The following PAQR4 variants were observed in gnomAD, a reference collection of about 807,000 sequenced individuals.
The protein encoded by PAQR4 is progestin and adipoQ receptor family member IV.
A neutral mutation model predicts 20.9 loss-of-function variants in PAQR4; 26 were observed. That is an observed-to-expected ratio of 1.24 (90% CI 0.91 to 1.73). The LOEUF is 1.73. Among genes scored for constraint, PAQR4 ranks in the 40% most tolerant of loss-of-function variants. PAQR4 has a pLI of 0.00. For synonymous variants in PAQR4, 193 were observed against 171.6 expected (o/e 1.12, Z -0.97); for missense variants, 400 against 380.1 (o/e 1.05, Z -0.44).
Position 2,973,306 on chromosome 16 carries a change from C to A in PAQR4, c.*1358C>A. On this transcript the variant is annotated 3_prime_UTR_variant, in exon 3 of 3. Coordinates refer to ENST00000318782, the MANE Select transcript of PAQR4 (RefSeq NM_152341.5). ...TGTCCCTGTGCAGGCTCCAGGCTCC[C>A]GCCTGACAAACAGGCAGGGAGCCAC... 6.6e-7 allele frequency: 1 copy of A among 1,514,916 alleles called. No individual in the cohort carries two copies. Among genetic ancestry groups the A allele is most frequent in the South Asian group, 1.3e-5 (1 of 78,212 alleles). The allele number at this position is 1,514,916 out of a possible 1,614,324, so 93.8% of individuals were successfully genotyped here. A position where few individuals can be genotyped will look rare whatever the true frequency, so the allele number is the denominator to read the frequency against.
In PAQR4 at chr16:2,972,084, G is replaced by A. The variant is rs1336232975; in HGVS notation, c.*136G>A. 2.1e-5 allele frequency: 19 copies of A among 908,736 alleles called. No homozygotes were observed. The highest frequency in any genetic ancestry group is 1.1e-4 in the South Asian group (6 of 55,438). 56.3% of individuals were successfully genotyped at this position (908,736 alleles called of 1,614,324 possible). ...GTCTCAGCAGGAGCCCTGTTCACCCGTTCTTCCCTGTGGACTGACCTCTTC... is the reference window on the plus strand; with the variant it reads ...GTCTCAGCAGGAGCCCTGTTCACCCATTCTTCCCTGTGGACTGACCTCTTC... On this transcript the variant is annotated 3_prime_UTR_variant, in exon 3 of 3. Transcript: ENST00000318782.
rs750204107 is a variant in PAQR4, at chr16:2,973,458, T to C, written c.*1510T>C. The C allele has an allele frequency of 4.6e-6, 7 of 1,516,016 alleles. No homozygotes were observed. The highest frequency in any genetic ancestry group is 6.2e-6 in the Non-Finnish European group (7 of 1,135,404). 93.9% of individuals were successfully genotyped at this position (1,516,016 alleles called of 1,614,324 possible). On this transcript the variant is annotated 3_prime_UTR_variant, in exon 3 of 3. Transcript: ENST00000318782. ...CAGAACACATGGACTTGGAGGCAGA[T>C]TTGAAATAAACTTTTAGTAAATGTA...
In PAQR4 at chr16:2,971,758, C is replaced by G; in HGVS notation, c.632C>G (p.Ala211Gly). The G allele has an allele frequency of 6.2e-7, 1 of 1,612,986 alleles. No homozygotes were observed. Among genetic ancestry groups the G allele is most frequent in the East Asian group, 2.2e-5 (1 of 44,884 alleles). ...GSLPCYLRMD[A>G]LALLGGLVNV... Reference sequence around the variant, plus strand: ...CTGCCCTGCTACCTGCGCATGGACGCACTGGCGCTGCTTGGGGGACTGGTA... The same window carrying G: ...CTGCCCTGCTACCTGCGCATGGACGGACTGGCGCTGCTTGGGGGACTGGTA... The change falls in exon 3 of 3, where the codon GCA becomes GGA. Residue 211 changes from alanine (A) to glycine (G), a missense_variant. By Grantham distance (60) the Ala-to-Gly change is moderately conservative (BLOSUM62 0). Coordinates refer to ENST00000318782, the MANE Select transcript of PAQR4 (RefSeq NM_152341.5).
At position 2,972,238 on chromosome 16, in the gene PAQR4, C is replaced by T. The variant is rs1362687667; in HGVS notation, c.*290C>T. The T allele has an allele frequency of 3.8e-6, 2 of 528,478 alleles. No individual in the cohort carries two copies. Among genetic ancestry groups the T allele is most frequent in the South Asian group, 2.9e-5 (1 of 34,046 alleles). 32.7% of individuals were successfully genotyped at this position (528,478 alleles called of 1,614,324 possible). ...ACCCTCTGTGACCTGTGGGGTTAGA[C>T]CAGAGAGGGACTCTGGGGTCACGTC... On this transcript the variant is annotated 3_prime_UTR_variant, in exon 3 of 3. Coordinates refer to ENST00000318782, the MANE Select transcript of PAQR4 (RefSeq NM_152341.5).
intron 1 of PAQR4, 67 bp downstream of exon 1, chr16:2,969,907 C>G: frequency 6.3e-7 from 1 of 1,587,570 alleles, no homozygotes. Flanking sequence ...GCCGGGGGCA[C>G]TGAGGCCGAG....
Position 2,972,505 on chromosome 16 carries a change from G to A in PAQR4, c.*557G>A. Reference sequence around the variant, plus strand: ...CCCGTCTTGTACCAGCTGGCCACAGGCACAAGGGCTGCAGCTGCTTCTTCC... The same window carrying A: ...CCCGTCTTGTACCAGCTGGCCACAGACACAAGGGCTGCAGCTGCTTCTTCC... On this transcript the variant is annotated 3_prime_UTR_variant, in exon 3 of 3. Transcript: ENST00000318782. The A allele has an allele frequency of 1.9e-6, 2 of 1,059,174 alleles. No individual in the cohort carries two copies. The highest frequency in any genetic ancestry group is 2.7e-6 in the Non-Finnish European group (2 of 747,468). The allele number at this position is 1,059,174 out of a possible 1,614,324, so 65.6% of individuals were successfully genotyped here.
rs377645191 is a variant in PAQR4, at chr16:2,969,651, C to T, written c.-24C>T. On this transcript the variant is annotated 5_prime_UTR_variant, in exon 1 of 3. In the 5' UTR this introduces an upstream ATG that the reference lacks. Transcript: ENST00000318782. ...AGGAGGCTCGGGGACAGCAGGAGCA[C>T]GGGCTGCCCGCGCGGTGCGGACCAT... 5,598 of 1,497,920 alleles carry T rather than the reference C, an allele frequency of 3.7e-3. 18 individuals are homozygous for T. The highest frequency in any genetic ancestry group is 4.7e-3 in the Non-Finnish European group (5,288 of 1,126,030). The allele number at this position is 1,497,920 out of a possible 1,614,324, so 92.8% of individuals were successfully genotyped here. A position where few individuals can be genotyped will look rare whatever the true frequency, so the allele number is the denominator to read the frequency against.
rs1014604801 is a variant in PAQR4, at chr16:2,969,485, C to G, written c.-190C>G. The G allele has an allele frequency of 2.4e-6, 1 of 417,792 alleles. No homozygotes were observed. Among genetic ancestry groups the G allele is most frequent in the Non-Finnish European group, 3.7e-6 (1 of 268,206 alleles). 25.9% of individuals were successfully genotyped at this position (417,792 alleles called of 1,614,324 possible). On this transcript the variant is annotated 5_prime_UTR_variant, in exon 1 of 3. Coordinates refer to ENST00000318782, the MANE Select transcript of PAQR4 (RefSeq NM_152341.5). Reference sequence around the variant, plus strand: ...CGCCCCGGCGCGGGGGCGACGGACTCGCGCGTGCGCAGCGCCGGAGGGGCG... The same window carrying G: ...CGCCCCGGCGCGGGGGCGACGGACTGGCGCGTGCGCAGCGCCGGAGGGGCG...
intron 1 of PAQR4, 119 bp from the exon 2 acceptor site, chr16:2,971,038 G>C (rs191770526): frequency 5.8e-6 from 6 of 1,035,708 alleles, no homozygotes; most frequent in South Asian, 1.5e-5. Context: ...AGGCCAGGCC[G>C]CCAACTGGAT....
At position 2,971,944 on chromosome 16, in the gene PAQR4, ACTGAGCTGCCATGCCAGC is replaced by A; in HGVS notation, c.822_*17del. On this transcript the variant is annotated stop_lost and 3_prime_UTR_variant, in exon 3 of 3. Transcript: ENST00000318782. ...GCTGCCCACCACGCCTGTCCCCGGG[ACTGAGCTGCCATGCCAGC>A]CTGCCCACAGCAGCCTCCTAGAGTT... is the stretch of plus-strand genomic sequence containing the variant. 1 of 1,581,990 alleles carries A rather than the reference ACTGAGCTGCCATGCCAGC, an allele frequency of 6.3e-7. No individual in the cohort carries two copies. Among genetic ancestry groups the A allele is most frequent in the Non-Finnish European group, 8.6e-7 (1 of 1,168,214 alleles).
Position 2,972,592 on chromosome 16 carries a change from C to A in PAQR4, c.*644C>A. The A allele has an allele frequency of 6.5e-7, 1 of 1,528,502 alleles. No individual in the cohort carries two copies. The highest frequency in any genetic ancestry group is 2.5e-5 in the East Asian group (1 of 40,720). The allele number at this position is 1,528,502 out of a possible 1,614,324, so 94.7% of individuals were successfully genotyped here. A position where few individuals can be genotyped will look rare whatever the true frequency, so the allele number is the denominator to read the frequency against. ...CTGGGACCCCTGGGCCGTGCCTGCC[C>A]TCCACCTTGAGTGCCATACTCCCAA... On this transcript the variant is annotated 3_prime_UTR_variant, in exon 3 of 3. Transcript: ENST00000318782.
intron 1 of PAQR4, 124 bp downstream of exon 1, chr16:2,969,964 C>G: frequency 7.9e-7 from 1 of 1,265,806 alleles, no homozygotes; most frequent in South Asian, 1.5e-5. Context: ...CCTGGCACCG[C>G]CAGTAGCCGC....
At position 2,971,654 on chromosome 16, in the gene PAQR4, A is replaced by C. The variant is rs774764614; in HGVS notation, c.528A>C (p.Ala176=). 1 of 1,610,330 alleles carries C rather than the reference A, an allele frequency of 6.2e-7. No homozygotes were observed. Among genetic ancestry groups the C allele is most frequent in the Non-Finnish European group, 8.5e-7 (1 of 1,179,862 alleles). Residue 176 remains alanine (A), a synonymous_variant, in exon 3 of 3, where the codon GCA becomes GCC. Coordinates refer to ENST00000318782, the MANE Select transcript of PAQR4 (RefSeq NM_152341.5). ...CCTCCACCAGTGCTCGGCTCCGGGC[A>C]TTTGGATGGCAGGCTGCTGCCCGCC... is the stretch of plus-strand genomic sequence containing the variant. ...TAPSTSARLR[A]FGWQAAARLL...
rs1306825113 is a variant in PAQR4 at position 2,969,361 on chromosome 16, G to GCCA, written c.-311_-309dup. ...CCTCCTGGCTGCAGAGAGACTACCG[G>GCCA]CCACCGCCGCCGCCGCCGCCGCGAG... is the stretch of plus-strand genomic sequence containing the variant. On this transcript the variant is annotated 5_prime_UTR_variant, in exon 1 of 3. Transcript: ENST00000318782. The GCCA allele has an allele frequency of 2.5e-5, 4 of 161,686 alleles. No homozygotes were observed. In the East Asian group the frequency reaches 7.1e-4, roughly 29 times the overall value. The allele number at this position is 161,686 out of a possible 1,614,324, so 10.0% of individuals were successfully genotyped here. A position where few individuals can be genotyped will look rare whatever the true frequency, so the allele number is the denominator to read the frequency against.
chr16:2,970,896 G>C, intron 1 of PAQR4: 3 of 592,724 alleles, frequency 5.1e-6, no homozygotes, highest in East Asian at 2.8e-5. Context: ...ACCCGGGGCC[G>C]GTCACTCAGC....
intron 1 of PAQR4, chr16:2,970,350 C>G (rs1400101546): frequency 1.3e-5 from 2 of 157,816 alleles, no homozygotes; most frequent in Admixed American, 6.3e-5. Flanking sequence ...CAGCCCTGCC[C>G]GTCCTTGAGC....
intron 1 of PAQR4, among the ~76,000 whole-genome samples, chr16:2,970,659 G>C (rs750354096): frequency 2.0e-5 from 3 of 152,206 alleles, no homozygotes; most frequent in Non-Finnish European, 2.9e-5. Flanking sequence ...AGATAAAAAG[G>C]CCCAGTGCCT....
chr16:2,970,064 G>A, intron 1 of PAQR4: 1 of 599,252 alleles, frequency 1.7e-6, no homozygotes, highest in South Asian at 2.0e-5. Flanking sequence ...GAGCAGAGTA[G>A]GGTCTGAGCC....
At position 2,971,859 on chromosome 16, in the gene PAQR4, C is replaced by T; in HGVS notation, c.733C>T (p.Leu245=). 6.2e-7 allele frequency: 1 copy of T among 1,612,190 alleles called. No individual in the cohort carries two copies. Among genetic ancestry groups the T allele is most frequent in the Non-Finnish European group, 8.5e-7 (1 of 1,179,900 alleles). ...GGGCAACTCCCACCAGATCATGCACCTGCTGAGCGTGGGCTCCATCCTGCA... is the reference window on the plus strand; with the variant it reads ...GGGCAACTCCCACCAGATCATGCACTTGCTGAGCGTGGGCTCCATCCTGCA... ...YWGNSHQIMH[L]LSVGSILQLH... is the part of the protein sequence containing the mutation. The change falls in exon 3 of 3, where the codon CTG becomes TTG. Residue 245 remains leucine, a synonymous_variant. Transcript: ENST00000318782.
Sources: allele counts gnomAD v4.1 joint callset (sites outside exome capture counted in the v4.1 genomes callset), GRCh38; gene constraint gnomAD v4.1.1; transcripts MANE v1.5; gene names NCBI Gene and HGNC (gene_info 2026-07-23, HGNC 2026-07-21).